The following BTG4 variants were observed in gnomAD, a reference collection of about 807,000 sequenced individuals.
BTG4 encodes BTG anti-proliferation factor 4.
A neutral mutation model predicts 19.3 loss-of-function variants in BTG4; 10 were observed. The ratio of observed to expected loss-of-function variants is 0.52; its 90% CI spans 0.32 to 0.88. BTG4 has a LOEUF of 0.88. BTG4 is among the 40% of genes least tolerant of loss of function. BTG4 has a pLI of 0.04. For synonymous variants in BTG4, 91 were observed against 95.7 expected (o/e 0.95, Z 0.29); for missense variants, 238 against 281.9 (o/e 0.84, Z 1.11).
the BTG4 span, among the ~76,000 whole-genome samples, chr11:111,403,631 A>G: frequency 6.6e-6 from 1 of 152,196 alleles, no homozygotes; most frequent in Non-Finnish European, 1.5e-5. Flanking sequence ...TGCCCCCTGC[A>G]AACTTGAATA....
At chr11:111,469,615 C>G (rs1242468875) in intron 5 of BTG4, among the ~76,000 whole-genome samples, 2 of 152,178 alleles carry the variant, frequency 1.3e-5, no homozygotes, top group Non-Finnish European at 2.9e-5. Context: ...TAACAGTTCA[C>G]ACATAAACTG....
upstream of BTG4, chr11:111,514,497 A>G: frequency 5.1e-6 from 2 of 395,804 alleles, no homozygotes; most frequent in Non-Finnish European, 9.4e-6. Context: ...GTGGCAGCCC[A>G]CTGAGGATAT....
At chr11:111,421,554 G>A in the BTG4 span, among the ~76,000 whole-genome samples, 8 of 152,276 alleles carry the variant, frequency 5.3e-5, no homozygotes, top group South Asian at 2.1e-4. Flanking sequence ...GCATAGACCT[G>A]CCCAGCTTGC....
upstream of BTG4, chr11:111,514,295 T>A (rs1250343651): frequency 5.5e-6 from 1 of 182,168 alleles, no homozygotes; most frequent in Non-Finnish European, 1.2e-5. Flanking sequence ...CATGGGCACG[T>A]ATCCGCCCAG....
At chr11:111,398,668 G>A in the BTG4 span, among the ~76,000 whole-genome samples, 1 of 152,084 alleles carries the variant, frequency 6.6e-6, no homozygotes, top group Non-Finnish European at 1.5e-5. Flanking sequence ...GCATTTCTAT[G>A]TTCCAGGTGA....
At chr11:111,450,649 C>T in the BTG4 span, 1 of 152,242 alleles carries the variant, frequency 6.6e-6, no homozygotes, top group Non-Finnish European at 1.5e-5. Flanking sequence ...GTTGAAGCTA[C>T]CACGTGCAAA....
the BTG4 span, chr11:111,449,546 C>T: frequency 2.0e-5 from 3 of 152,430 alleles, no homozygotes; most frequent in Non-Finnish European, 4.4e-5. Flanking sequence ...CTCCACCCTC[C>T]CATTCAAATG....
chr11:111,420,938 G>A, the BTG4 span, among the ~76,000 whole-genome samples: 2 of 152,188 alleles, frequency 1.3e-5, no homozygotes, highest in Non-Finnish European at 2.9e-5. Flanking sequence ...AATCTTGGAG[G>A]TCCCAGAAGG....
the BTG4 span, chr11:111,456,430 T>G: frequency 4.6e-6 from 2 of 437,192 alleles, no homozygotes; most frequent in Non-Finnish European, 9.4e-6. The surrounding 1 kb of genome is among the most constrained non-coding windows in gnomAD (Gnocchi z 4.2). Flanking sequence ...CTCCTTCCAG[T>G]CACCAGCCAA....
At chr11:111,429,192 C>G in the BTG4 span, among the ~76,000 whole-genome samples, 1 of 152,158 alleles carries the variant, frequency 6.6e-6, no homozygotes, top group African/African-American at 2.4e-5. Flanking sequence ...GAAACAGTTA[C>G]TCACAAAAAC....
At chr11:111,440,141 C>T in the BTG4 span, among the ~76,000 whole-genome samples, 1 of 152,068 alleles carries the variant, frequency 6.6e-6, no homozygotes, top group South Asian at 2.1e-4. Flanking sequence ...GTGAGTATGG[C>T]TAAAAGGCTT....
At chr11:111,393,964 A>G in the BTG4 span, among the ~76,000 whole-genome samples, 1 of 152,240 alleles carries the variant, frequency 6.6e-6, no homozygotes, top group Non-Finnish European at 1.5e-5. Flanking sequence ...CTTGAGCAAA[A>G]GCACTTAATG....
At position 111,479,065 on chromosome 11, in the gene BTG4, A is replaced by G. The variant is rs1041598811; in HGVS notation, c.663-11384T>C. Among the ~76,000 whole-genome samples, 4 of 152,100 alleles carry G rather than the reference A, an allele frequency of 2.6e-5. No individual in the cohort carries two copies. In the East Asian group the frequency reaches 7.7e-4, roughly 29 times the overall value. On this transcript the variant is annotated intron_variant, in intron 5 of 5. Coordinates refer to the BTG4 transcript ENST00000356018. Reference sequence around the variant, plus strand: ...CCAAAGAACTCCACACCACCACATCATAATTAAATTTCTGAAAACAAAAAG... The same window carrying G: ...CCAAAGAACTCCACACCACCACATCGTAATTAAATTTCTGAAAACAAAAAG...
chr11:111,476,656 A>G (rs1022337233), intron 5 of BTG4, among the ~76,000 whole-genome samples: 18 of 152,138 alleles, frequency 1.2e-4, no homozygotes, highest in Non-Finnish European at 2.2e-4. Flanking sequence ...ATACCTCATT[A>G]GTTACCATTT....
the BTG4 span, among the ~76,000 whole-genome samples, chr11:111,428,773 G>A: frequency 6.6e-6 from 1 of 152,154 alleles, no homozygotes; most frequent in Non-Finnish European, 1.5e-5. Flanking sequence ...AGGCTACCAG[G>A]GTCTACCAGT....
chr11:111,454,422 T>G, the BTG4 span: 1 of 413,068 alleles, frequency 2.4e-6, no homozygotes, highest in Middle Eastern at 3.5e-4. Context: ...CTAGAAAGAG[T>G]CTCCTCTTCA....
chr11:111,398,452 TC>T, the BTG4 span, among the ~76,000 whole-genome samples: 10 of 152,254 alleles, frequency 6.6e-5, no homozygotes, highest in South Asian at 1.2e-3. Flanking sequence ...AATTTGCATT[TC>T]TTTTTTTTGT....
chr11:111,436,424 A>G, the BTG4 span, among the ~76,000 whole-genome samples: 3 of 152,156 alleles, frequency 2.0e-5, no homozygotes, highest in Non-Finnish European at 1.5e-5. Flanking sequence ...TCAGGAGTTC[A>G]AGACTAGCCT....
In BTG4 at chr11:111,495,106, T is replaced by C. The variant is rs1205716389; in HGVS notation, c.*29A>G. 8.6e-6 allele frequency: 13 copies of C among 1,506,562 alleles called. No homozygotes were observed. The highest frequency in any genetic ancestry group is 1.1e-5 in the Non-Finnish European group (13 of 1,130,748). 93.3% of individuals were successfully genotyped at this position (1,506,562 alleles called of 1,614,324 possible). ...AGAGAATAAAGGCACTCCTCTGAGC[T>C]CTTGCCCACCACGTGCCCAGTCGCT... is the stretch of plus-strand genomic sequence containing the variant. On this transcript the variant is annotated 3_prime_UTR_variant, in exon 5 of 5. Coordinates refer to ENST00000692032, the MANE Select transcript of BTG4 (RefSeq NM_001367975.1).
Sources: gnomAD v4.1 joint callset for allele counts (sites outside exome capture counted in the v4.1 genomes callset) on GRCh38, gnomAD v4.1.1 for gene constraint, Gnocchi (gnomAD v3.1) non-coding constraint, MANE v1.5 for transcripts, NCBI Gene and HGNC (gene_info 2026-07-23, HGNC 2026-07-21) for gene names.